DCAF17: variants seen among roughly 807,000 people sequenced by gnomAD.
DCAF17 encodes DDB1 and CUL4 associated factor 17.
Under a neutral mutation model 66.0 loss-of-function variants are expected in DCAF17, and 48 were observed. The observed-to-expected ratio is 0.73, with a 90% CI of 0.58 to 0.92. DCAF17 has a LOEUF of 0.92. DCAF17 is among the 40% of genes least tolerant of loss of function. The pLI is 0.00. For missense variants in DCAF17, 562 were observed against 622.8 expected (o/e 0.90, Z 1.04); for synonymous variants, 206 against 214.6 (o/e 0.96, Z 0.35).
rs1333071043 is a variant in DCAF17 at position 171,434,482 on chromosome 2, G to A, written c.-96G>A. On this transcript the variant is annotated 5_prime_UTR_variant, in exon 1 of 14. Coordinates refer to ENST00000375255, the MANE Select transcript of DCAF17 (RefSeq NM_025000.4). ...CCTGGGCCCCGCCGGGAAAGTCTGGGCCTCGAAATTCGAAGGCAGCGGCGG... is the reference window on the plus strand; with the variant it reads ...CCTGGGCCCCGCCGGGAAAGTCTGGACCTCGAAATTCGAAGGCAGCGGCGG... 2 of 1,517,832 alleles carry A rather than the reference G, an allele frequency of 1.3e-6. No homozygotes were observed. The highest frequency in any genetic ancestry group is 5.0e-5 in the East Asian group (2 of 40,050). 94.0% of individuals were successfully genotyped at this position (1,517,832 alleles called of 1,614,324 possible).
intron 2 of DCAF17, among the ~76,000 whole-genome samples, chr2:171,437,385 A>G (rs901395803): frequency 2.0e-5 from 3 of 152,218 alleles, no homozygotes; most frequent in African/African-American, 7.2e-5. Context: ...CTTGTCAAAA[A>G]TCAATTGACC....
intron 2 of DCAF17, among the ~76,000 whole-genome samples, chr2:171,435,998 A>G (rs1693910629): frequency 6.6e-6 from 1 of 152,102 alleles, no homozygotes; most frequent in African/African-American, 2.4e-5. Flanking sequence ...TACCACCATT[A>G]CCCTCAGCCC....
intron 6 of DCAF17, among the ~76,000 whole-genome samples, chr2:171,454,196 G>T (rs1334455525): frequency 6.6e-6 from 1 of 151,556 alleles, no homozygotes; most frequent in African/African-American, 2.4e-5. Context: ...AAAATAAAAA[G>T]CAGCTACCTA....
rs1189480662 is a variant in DCAF17 at position 171,481,354 on chromosome 2, G to A, written c.*240G>A. The A allele has an allele frequency of 3.4e-6, 2 of 586,642 alleles. No individual in the cohort carries two copies. The highest frequency in any genetic ancestry group is 1.5e-5 in the South Asian group (1 of 65,754). The allele number at this position is 586,642 out of a possible 1,614,324, so 36.3% of individuals were successfully genotyped here. Reference sequence around the variant, plus strand: ...GAAGTTTAGTGTTTTGCAGCTTTGAGCTAGGTGGTAATGCAAATATAAAAT... The same window carrying A: ...GAAGTTTAGTGTTTTGCAGCTTTGAACTAGGTGGTAATGCAAATATAAAAT... On this transcript the variant is annotated 3_prime_UTR_variant, in exon 14 of 14. Transcript: ENST00000375255.
chr2:171,477,534 C>T (rs1366668756), intron 11 of DCAF17, among the ~76,000 whole-genome samples: 1 of 152,166 alleles, frequency 6.6e-6, no homozygotes, highest in Non-Finnish European at 1.5e-5. Flanking sequence ...TGGCTCACAC[C>T]TGTAATCTCA....
At chr2:171,464,813 C>T (rs1309662381) in intron 8 of DCAF17, among the ~76,000 whole-genome samples, 1 of 150,342 alleles carries the variant, frequency 6.7e-6, no homozygotes, top group African/African-American at 2.5e-5. Flanking sequence ...TCTCTTAACT[C>T]ATACTGAGCT....
intron 11 of DCAF17, among the ~76,000 whole-genome samples, chr2:171,477,755 A>G (rs879871272): frequency 1.3e-5 from 2 of 152,122 alleles, no homozygotes; most frequent in Non-Finnish European, 2.9e-5. Flanking sequence ...TTGTGCCACT[A>G]CAGTGAGGCA....
intron 8 of DCAF17, among the ~76,000 whole-genome samples, chr2:171,467,325 G>T (rs1695962096): frequency 6.6e-6 from 1 of 151,958 alleles, no homozygotes; most frequent in Admixed American, 6.6e-5. Context: ...TAGTTTATGT[G>T]TTAATTGACT....
chr2:171,460,120 C>G (rs1485896672), intron 8 of DCAF17, among the ~76,000 whole-genome samples: 1 of 151,576 alleles, frequency 6.6e-6, no homozygotes, highest in African/African-American at 2.4e-5. Context: ...GTCAGGAGTT[C>G]GAGACCAGCC....
chr2:171,448,591 G>T, intron 3 of DCAF17, 90 bp from the exon 4 acceptor site: 1 of 1,185,554 alleles, frequency 8.4e-7, no homozygotes, highest in Non-Finnish European at 1.2e-6. Context: ...TTTGGCATTT[G>T]AATATTTAGC....
chr2:171,436,481 A>T (rs190013277), intron 2 of DCAF17, among the ~76,000 whole-genome samples: 2 of 152,212 alleles, frequency 1.3e-5, no homozygotes, highest in Non-Finnish European at 2.9e-5. Context: ...CATTCTTGTC[A>T]ACACTTGATG....
rs541804471 is a variant in DCAF17, at chr2:171,480,228, C to G, written c.1422+35C>G. On this transcript the variant is annotated intron_variant, in intron 13 of 13. Transcript: ENST00000375255. ...GTCCGTGGGATACAAAGTTGTAAACCTTTCCTTTATAGGTGCCATTTATTA... is the reference window on the plus strand; with the variant it reads ...GTCCGTGGGATACAAAGTTGTAAACGTTTCCTTTATAGGTGCCATTTATTA... 4 of 1,609,164 alleles carry G rather than the reference C, an allele frequency of 2.5e-6. No homozygotes were observed. The Admixed American group carries it at 6.7e-5, about 27-fold the overall frequency.
In DCAF17 at chr2:171,480,067, G is replaced by A. The variant is rs915890605; in HGVS notation, c.1296G>A (p.Glu432=). 6.8e-6 allele frequency: 11 copies of A among 1,613,636 alleles called. No homozygotes were observed. Among genetic ancestry groups the A allele is most frequent in the African/African-American group, 1.3e-5 (1 of 74,908 alleles). Residue 432 remains glutamate, a synonymous_variant, in exon 13 of 14, where the codon GAG becomes GAA. Coordinates refer to ENST00000375255, the MANE Select transcript of DCAF17 (RefSeq NM_025000.4). The stretch of plus-strand genomic sequence containing the variant: ...TCAAAATTGTGGACTATGAAGATGA[G>A]TTAGATTTGCTTTCTGTGGTAGCTG... ...ETFKIVDYED[E]LDLLSVVAVT...
At position 171,435,198 on chromosome 2, in the gene DCAF17, T is replaced by C. The variant is rs1364968635; in HGVS notation, c.230+12T>C. 2 of 1,591,112 alleles carry C rather than the reference T, an allele frequency of 1.3e-6. No individual in the cohort carries two copies. Among genetic ancestry groups the C allele is most frequent in the Admixed American group, 3.3e-5 (2 of 59,990 alleles). On this transcript the variant is annotated intron_variant, in intron 2 of 13. Transcript: ENST00000375255. ...CGCTGTGTCAGCAGGTAACTTTTTA[T>C]TGATAATTTTGCTGTAATTCACCTC... is the stretch of plus-strand genomic sequence containing the variant.
At chr2:171,478,164 G>T in intron 12 of DCAF17, 94 bp downstream of exon 12, 2 of 1,135,988 alleles carry the variant, frequency 1.8e-6, no homozygotes, top group Non-Finnish European at 2.6e-6. Context: ...GGTAGAGGTT[G>T]GGGTTGAGGG....
chr2:171,478,506 A>G (rs58536060), intron 12 of DCAF17, among the ~76,000 whole-genome samples: 33,110 of 152,140 alleles, frequency 0.22, 3,722 homozygotes, highest in South Asian at 0.29. Context: ...ATGTGAGGGC[A>G]TGATAAATCA....
intron 6 of DCAF17, among the ~76,000 whole-genome samples, chr2:171,455,470 T>C (rs1695206337): frequency 6.6e-6 from 1 of 152,220 alleles, no homozygotes; most frequent in East Asian, 1.9e-4. Context: ...TGAACGTATA[T>C]GTGCATGTGT....
chr2:171,464,031 A>T (rs1259869721), intron 8 of DCAF17, among the ~76,000 whole-genome samples: 1 of 152,232 alleles, frequency 6.6e-6, no homozygotes, highest in Non-Finnish European at 1.5e-5. Flanking sequence ...AGTAATAGTT[A>T]TTATTCTTAA....
intron 8 of DCAF17, among the ~76,000 whole-genome samples, chr2:171,463,813 A>T (rs1366928404): frequency 6.6e-6 from 1 of 152,226 alleles, no homozygotes; most frequent in African/African-American, 2.4e-5. Context: ...TTTTTCTAGA[A>T]ATAAAAGCTT....
Sources: gnomAD v4.1 joint callset for allele counts (sites outside exome capture counted in the v4.1 genomes callset) on GRCh38, gnomAD v4.1.1 for gene constraint, MANE v1.5 for transcripts, NCBI Gene and HGNC (gene_info 2026-07-23, HGNC 2026-07-21) for gene names.